Variants in KRT84 observed in about 807,000 individuals in gnomAD.
KRT84 encodes the protein keratin, type II cuticular Hb4.
In KRT84, 38 loss-of-function variants were observed where a neutral mutation model predicts 49.0. The ratio of observed to expected loss-of-function variants is 0.78; its 90% CI spans 0.60 to 1.02. The LOEUF (loss-of-function observed/expected upper bound fraction) is 1.02, where lower values mean the gene tolerates loss of function less well. Among genes scored for constraint, KRT84 ranks in the 50% least tolerant of loss-of-function variants. The probability of loss-of-function intolerance (pLI) is 0.00; values close to 1 mark genes in which losing one functional copy is unlikely to be tolerated. For synonymous variants in KRT84, 334 were observed against 312.8 expected (o/e 1.07, Z -0.72); for missense variants, 860 against 788.6 (o/e 1.09, Z -1.08).
chr12:52,386,213 A>T (rs1274868506), upstream of KRT84, among the ~76,000 whole-genome samples: 1 of 152,194 alleles, frequency 6.6e-6, no homozygotes, highest in African/African-American at 2.4e-5. Context: ...AGTTGAATCT[A>T]CAGTAAAGCT....
At chr12:52,384,081 G>A (rs145089126) in intron 1 of KRT84, among the ~76,000 whole-genome samples, 2,007 of 152,328 alleles carry the variant, frequency 0.013, 48 homozygotes, top group African/African-American at 0.046. Context: ...GGTACATCAG[G>A]AAGTTGGAAG....
chr12:52,381,670 A>C, intron 4 of KRT84, 145 bp from the exon 5 acceptor site: 2 of 794,490 alleles, frequency 2.5e-6, no homozygotes, highest in Non-Finnish European at 4.0e-6. Flanking sequence ...TAAATTGATG[A>C]TAAAGAAAAA....
Position 52,378,152 on chromosome 12 carries a change from C to G in KRT84, c.1685G>C (p.Cys562Ser). Reference sequence around the variant, plus strand: ...CAGGGGGCAGGGGACGCTGGGGACACAGGCCTCGCTGATGAGCATGGAGCC... The same window carrying G: ...CAGGGGGCAGGGGACGCTGGGGACAGAGGCCTCGCTGATGAGCATGGAGCC... ...RSGSMLISEA[C>S]VPSVPCPLPT... The change falls in exon 9 of 9, where the codon TGT becomes TCT. Residue 562 changes from cysteine (C) to serine (S), a missense_variant. Physicochemically the swap from Cys to Ser is moderately radical, Grantham distance 112. Coordinates refer to ENST00000257951, the MANE Select transcript of KRT84 (RefSeq NM_033045.4). 6.4e-7 allele frequency: 1 copy of G among 1,573,904 alleles called. No individual in the cohort carries two copies. Among genetic ancestry groups the G allele is most frequent in the Non-Finnish European group, 8.6e-7 (1 of 1,161,580 alleles).
At position 52,377,943 on chromosome 12, in the gene KRT84, C is replaced by G. The variant is rs532033352; in HGVS notation, c.*91G>C. On this transcript the variant is annotated 3_prime_UTR_variant, in exon 9 of 9. Transcript: ENST00000257951. ...CCTGGCAGAAAGGGGAGCTGGAGAC[C>G]GTCAAGCCCAGAGCCCACGAACCCT... 1.0e-6 allele frequency: 1 copy of G among 985,870 alleles called. No individual in the cohort carries two copies. The highest frequency in any genetic ancestry group is 4.0e-5 in the Admixed American group (1 of 24,728). 61.1% of individuals were successfully genotyped at this position (985,870 alleles called of 1,614,324 possible). A position where few individuals can be genotyped will look rare whatever the true frequency, so the allele number is the denominator to read the frequency against.
intron 6 of KRT84, 80 bp downstream of exon 6, chr12:52,381,000 C>G: frequency 5.1e-6 from 8 of 1,559,348 alleles, no homozygotes; most frequent in Non-Finnish European, 7.0e-6. Flanking sequence ...TCTCCCTCAC[C>G]TCATTAGACT....
Position 52,383,796 on chromosome 12 carries a change from A to T in KRT84, c.549T>A (p.Val183=). The T allele has an allele frequency of 6.2e-7, 1 of 1,608,928 alleles. No homozygotes were observed. Among genetic ancestry groups the T allele is most frequent in the East Asian group, 2.2e-5 (1 of 44,854 alleles). ...NNKFASFIDK[V]RFLEQQNKLL... ...GCTTATTCTGCTGCTCTAGGAACCG[A>T]ACCTAAATCCACAGGGCACAGAAAT... The change falls in exon 2 of 9, where the codon GTT becomes GTA. Residue 183 remains valine, a splice_region_variant and synonymous_variant. Transcript: ENST00000257951.
At chr12:52,380,216 G>T in intron 7 of KRT84, 147 bp downstream of exon 7, 2 of 1,003,180 alleles carry the variant, frequency 2.0e-6, no homozygotes, top group Non-Finnish European at 2.9e-6. Context: ...TCCCTGACAA[G>T]GGCAATGCAA....
intron 3 of KRT84, 129 bp from the exon 4 acceptor site, chr12:52,382,661 G>A (rs1592147866): frequency 4.2e-6 from 3 of 708,896 alleles, no homozygotes; most frequent in South Asian, 3.6e-5. Flanking sequence ...TAGAAGTGAA[G>A]CTCAGCAACT....
Position 52,383,738 on chromosome 12 carries a change from G to C in KRT84, c.607C>G (p.Gln203Glu). 1 of 1,613,984 alleles carries C rather than the reference G, an allele frequency of 6.2e-7. No individual in the cohort carries two copies. The highest frequency in any genetic ancestry group is 2.2e-5 in the East Asian group (1 of 44,884). ...LETKWSFLQE[Q>E]KCIRSNLEPL... ...TCCAGATTGCTCCTGATACATTTCTGCTCTTGGAGGAAGCTCCACTTGGTC... is the reference window on the plus strand; with the variant it reads ...TCCAGATTGCTCCTGATACATTTCTCCTCTTGGAGGAAGCTCCACTTGGTC... Residue 203 changes from glutamine to glutamate, a missense_variant, in exon 2 of 9, where the codon CAG (glutamine) becomes GAG (glutamate). Gln to Glu is a conservative substitution (Grantham distance 29). Coordinates refer to ENST00000257951, the MANE Select transcript of KRT84 (RefSeq NM_033045.4).
At chr12:52,383,344 T>C (rs764823402) in intron 2 of KRT84, among the ~76,000 whole-genome samples, 6 of 152,204 alleles carry the variant, frequency 3.9e-5, no homozygotes, top group Non-Finnish European at 8.8e-5. Flanking sequence ...TAATGTAGGA[T>C]CATTGCATTT....
At position 52,383,682 on chromosome 12, in the gene KRT84, C is replaced by T; in HGVS notation, c.663G>A (p.Leu221=). The T allele has an allele frequency of 6.2e-7, 1 of 1,614,202 alleles. No homozygotes were observed. The highest frequency in any genetic ancestry group is 1.1e-5 in the South Asian group (1 of 91,074). The part of the protein sequence containing the change: ...EPLFESYITN[L]RRQLEVLVSD... ...TGACCAGCACCTCCAACTGCCTCCG[C>T]AGGTTGGTGATGTAGCTCTCGAAGA... The change falls in exon 2 of 9, where the codon CTG becomes CTA. Residue 221 remains leucine, a synonymous_variant. Coordinates refer to ENST00000257951, the MANE Select transcript of KRT84 (RefSeq NM_033045.4).
chr12:52,382,402 T>C (rs748906261), intron 4 of KRT84, 35 bp downstream of exon 4: 31 of 1,404,674 alleles, frequency 2.2e-5, no homozygotes, highest in Non-Finnish European at 8.1e-6. Context: ...CAAGCATTGA[T>C]CTCCTTGGGT....
In KRT84 at chr12:52,381,439, G is replaced by C; in HGVS notation, c.999C>G (p.Ile333Met). ...CATACTGGGCCTTGACCTCAGCAAT[G>C]ATCCCATCAAGGTTCAGGTCACGGC... is the stretch of plus-strand genomic sequence containing the variant. Reference protein sequence around the residue: ...DNSRDLNLDGIIAEVKAQYEE... With the variant: ...DNSRDLNLDGMIAEVKAQYEE... Residue 333 changes from isoleucine to methionine, a missense_variant, in exon 5 of 9, where the codon ATC (isoleucine) becomes ATG (methionine). By Grantham distance (10) the Ile-to-Met change is conservative (BLOSUM62 1). Transcript: ENST00000257951. 1 of 1,614,162 alleles carries C rather than the reference G, an allele frequency of 6.2e-7. No homozygotes were observed. Among genetic ancestry groups the C allele is most frequent in the Non-Finnish European group, 8.5e-7 (1 of 1,180,034 alleles).
In KRT84 at chr12:52,380,489, G is replaced by A; in HGVS notation, c.1298C>T (p.Ala433Val). The A allele has an allele frequency of 6.2e-7, 1 of 1,614,086 alleles. No individual in the cohort carries two copies. Among genetic ancestry groups the A allele is most frequent in the Non-Finnish European group, 8.5e-7 (1 of 1,179,932 alleles). Residue 433 changes from alanine to valine, a missense_variant, in exon 7 of 9, where the codon GCC becomes GTC. By Grantham distance (64) the Ala-to-Val change is moderately conservative. Transcript: ENST00000257951. Reference sequence around the variant, plus strand: ...CATGTCCTGCTTGGCCTGCTGCAGGGCACACTCCAGATCTGCCAGCTTGCA... The same window carrying A: ...CATGTCCTGCTTGGCCTGCTGCAGGACACACTCCAGATCTGCCAGCTTGCA... Reference protein sequence around the residue: ...AKCKLADLECALQQAKQDMAR... With the variant: ...AKCKLADLECVLQQAKQDMAR...
In KRT84 at chr12:52,381,060, C is replaced by A; in HGVS notation, c.1203+20G>T. 6.2e-7 allele frequency: 1 copy of A among 1,612,158 alleles called. No individual in the cohort carries two copies. Among genetic ancestry groups the A allele is most frequent in the Non-Finnish European group, 8.5e-7 (1 of 1,178,708 alleles). ...CTGGTTCTCCCTCATCTGAGGCTTT[C>A]CCTCCTTTCCTTTGCCCACCTGAGC... is the stretch of plus-strand genomic sequence containing the variant. On this transcript the variant is annotated intron_variant, in intron 6 of 8. Transcript: ENST00000257951.
At chr12:52,379,953 C>A (rs368507888) in intron 7 of KRT84, 46 bp from the exon 8 acceptor site, 1 of 1,561,466 alleles carries the variant, frequency 6.4e-7, no homozygotes, top group Non-Finnish European at 8.8e-7. Flanking sequence ...CTATTGTTTC[C>A]TGAAAACCTA....
chr12:52,380,333 T>A, intron 7 of KRT84, 30 bp downstream of exon 7: 1 of 1,611,484 alleles, frequency 6.2e-7, no homozygotes, highest in Non-Finnish European at 8.5e-7. Flanking sequence ...AAGTCTGACT[T>A]CACTCTCCTG....
intron 8 of KRT84, among the ~76,000 whole-genome samples, chr12:52,378,626 A>C (rs1939428869): frequency 6.6e-6 from 1 of 152,224 alleles, no homozygotes. Flanking sequence ...AATTCCCCAG[A>C]TGTTTGCATG....
At chr12:52,383,453 AC>A in intron 2 of KRT84, 136 bp downstream of exon 2, 1 of 406,192 alleles carries the variant, frequency 2.5e-6, no homozygotes, top group Non-Finnish European at 4.4e-6. Context: ...ATCTCTACCC[AC>A]CCCCACCTCC....
Sources: gnomAD v4.1 joint callset for allele counts (sites outside exome capture counted in the v4.1 genomes callset) on GRCh38, gnomAD v4.1.1 for gene constraint, MANE v1.5 for transcripts, NCBI Gene and HGNC (gene_info 2026-07-23, HGNC 2026-07-21) for gene names.